The following NTRK3 variants were observed in gnomAD, a reference collection of about 807,000 sequenced individuals.
NTRK3 encodes the protein neurotrophic receptor tyrosine kinase 3, also known as NT-3 growth factor receptor.
A neutral mutation model predicts 91.7 loss-of-function variants in NTRK3; 24 were observed. That is an observed-to-expected ratio of 0.26 (90% CI 0.19 to 0.37). The LOEUF is 0.37. Ranked by LOEUF, NTRK3 falls within the 10% of genes least tolerant of loss-of-function variation. The pLI is 1.00. For missense variants in NTRK3, 880 were observed against 1,068.9 expected (o/e 0.82, Z 2.46); for synonymous variants, 483 against 404.0 (o/e 1.20, Z -2.34).
chr15:88,128,180 T>C (rs2053484033), intron 11 of NTRK3, among the ~76,000 whole-genome samples: 1 of 152,178 alleles, frequency 6.6e-6, no homozygotes, highest in Non-Finnish European at 1.5e-5. Context: ...CAAATTCTTT[T>C]AGGATTGTCT....
At chr15:88,062,921 G>T (rs750459302) in intron 13 of NTRK3, among the ~76,000 whole-genome samples, 2 of 152,314 alleles carry the variant, frequency 1.3e-5, no homozygotes, top group Admixed American at 1.3e-4. Context: ...AGAATCCTAG[G>T]CATTTGAACT....
chr15:87,969,916 C>A (rs1465999938), intron 14 of NTRK3, among the ~76,000 whole-genome samples: 1 of 152,174 alleles, frequency 6.6e-6, no homozygotes, highest in Non-Finnish European at 1.5e-5. Flanking sequence ...CACTGATCCT[C>A]ACCCAAAGGG....
At chr15:87,901,523 C>G (rs571306705) in intron 17 of NTRK3, among the ~76,000 whole-genome samples, 1 of 152,196 alleles carries the variant, frequency 6.6e-6, no homozygotes, top group Non-Finnish European at 1.5e-5. Context: ...TCCACCATAA[C>G]AGAGGTAGAA....
intron 13 of NTRK3, among the ~76,000 whole-genome samples, chr15:88,079,342 A>G (rs776179979): frequency 3.3e-5 from 5 of 152,212 alleles, no homozygotes; most frequent in Non-Finnish European, 7.3e-5. Flanking sequence ...TCCCTTCCCC[A>G]GCGCACCTGC....
rs189193746 is a variant in NTRK3 at position 88,031,364 on chromosome 15, G to T, written c.1585+1493C>A. ...TATCAACAGCACCCTAGGAAACTCA[G>T]TATCAACCCTAGACTGAGCTTGGAC... is the stretch of plus-strand genomic sequence containing the variant. On this transcript the variant is annotated intron_variant, in intron 14 of 18. Coordinates refer to ENST00000394480, the Ensembl canonical transcript of NTRK3. 1.2e-4 allele frequency among the ~76,000 whole-genome samples: 18 copies of T among 152,284 alleles called. No homozygotes were observed. The East Asian group carries it at 3.5e-3, about 29-fold the overall frequency.
chr15:88,115,163 GCAAA>G (rs377535920), intron 13 of NTRK3, among the ~76,000 whole-genome samples: 3 of 152,196 alleles, frequency 2.0e-5, no homozygotes, highest in Admixed American at 6.5e-5. Context: ...CTGGGCAACA[GCAAA>G]CAGTGTCCAT....
chr15:87,957,548 T>C lies in NTRK3; in HGVS notation c.1586-16795A>G, dbSNP rs187259871. ...TGGTAGGATTGCATAAGATCCTATA[T>C]GGAAATCATTTGGCACAGTGCATAG... On this transcript the variant is annotated intron_variant, in intron 14 of 18. Transcript: ENST00000394480. 5.3e-5 allele frequency among the ~76,000 whole-genome samples: 8 copies of C among 152,300 alleles called. No individual in the cohort carries two copies. The East Asian group carries it at 1.4e-3, about 26-fold the overall frequency.
intron 5 of NTRK3, among the ~76,000 whole-genome samples, chr15:88,168,234 T>A (rs1011224157): frequency 7.2e-5 from 11 of 152,154 alleles, no homozygotes; most frequent in Admixed American, 6.5e-4. Context: ...TAGTGATATG[T>A]GAAAAGTCCA....
chr15:87,920,887 G>T (rs974885661), intron 17 of NTRK3, among the ~76,000 whole-genome samples: 1 of 152,140 alleles, frequency 6.6e-6, no homozygotes, highest in Non-Finnish European at 1.5e-5. Context: ...GACTGGTTTG[G>T]TATCGCAGAG....
At chr15:88,058,566 A>C (rs2045931014) in intron 13 of NTRK3, among the ~76,000 whole-genome samples, 2 of 152,034 alleles carry the variant, frequency 1.3e-5, no homozygotes, top group Non-Finnish European at 2.9e-5. Context: ...CTTTTCCCAA[A>C]ATTCTGGCCC....
At chr15:88,031,793 A>C (rs1407748932) in intron 14 of NTRK3, among the ~76,000 whole-genome samples, 1 of 151,994 alleles carries the variant, frequency 6.6e-6, no homozygotes, top group Non-Finnish European at 1.5e-5. Flanking sequence ...GAGCAGCAAG[A>C]GTTCTGTGAG....
intron 3 of NTRK3, among the ~76,000 whole-genome samples, chr15:88,215,010 T>C (rs189075899): frequency 5.9e-4 from 90 of 152,312 alleles, no homozygotes; most frequent in African/African-American, 1.8e-3. Context: ...CATGAGGAAG[T>C]TGACAGCCCC....
intron 14 of NTRK3, among the ~76,000 whole-genome samples, chr15:87,999,368 C>G (rs1445906139): frequency 6.6e-6 from 1 of 152,184 alleles, no homozygotes; most frequent in Non-Finnish European, 1.5e-5. Flanking sequence ...GCAGCAGGTA[C>G]TTAGTAGTCT....
intron 13 of NTRK3, among the ~76,000 whole-genome samples, chr15:88,076,306 T>C (rs1454357684): frequency 6.6e-6 from 1 of 152,152 alleles, no homozygotes; most frequent in African/African-American, 2.4e-5. Flanking sequence ...CCCACTCCCA[T>C]GATTCAGTTA....
intron 13 of NTRK3, among the ~76,000 whole-genome samples, chr15:88,075,455 T>C (rs2047454559): frequency 1.3e-5 from 2 of 152,190 alleles, no homozygotes; most frequent in African/African-American, 4.8e-5. Flanking sequence ...ACGGTCCTAA[T>C]AGACAACGCC....
chr15:88,121,342 C>A (rs936873371), intron 13 of NTRK3, among the ~76,000 whole-genome samples: 1 of 152,128 alleles, frequency 6.6e-6, no homozygotes. Flanking sequence ...GGAGTCAGGG[C>A]ATTTGTGTTG....
At chr15:88,078,683 G>C (rs1400482341) in intron 13 of NTRK3, among the ~76,000 whole-genome samples, 1 of 152,152 alleles carries the variant, frequency 6.6e-6, no homozygotes, top group Non-Finnish European at 1.5e-5. Context: ...CAAAAGAAAA[G>C]TGAGGTAAGT....
Position 88,100,512 on chromosome 15 carries a change from T to C in NTRK3, c.1396+25759A>G, listed in dbSNP as rs566469178. On this transcript the variant is annotated intron_variant, in intron 13 of 18. Transcript: ENST00000394480. ...CATCTTCTGTGAATTCAAGCAAGCC[T>C]CAGCTAATTTACCCACCTGATAGCA... Among the ~76,000 whole-genome samples the C allele has an allele frequency of 2.0e-5, 3 of 152,282 alleles. No individual in the cohort carries two copies. The East Asian group carries it at 5.8e-4, about 29-fold the overall frequency.
intron 3 of NTRK3, among the ~76,000 whole-genome samples, chr15:88,201,233 G>T (rs2048280268): frequency 6.6e-6 from 1 of 152,202 alleles, no homozygotes; most frequent in African/African-American, 2.4e-5. Context: ...CAGCCCAGCA[G>T]CTGGTTAGTT....
Sources: allele counts gnomAD v4.1 joint callset (sites outside exome capture counted in the v4.1 genomes callset), GRCh38; gene constraint gnomAD v4.1.1; transcripts MANE v1.5; gene names NCBI Gene and HGNC (gene_info 2026-07-23, HGNC 2026-07-21).